The following SGCD variants were observed in gnomAD, a reference collection of about 807,000 sequenced individuals.
The protein encoded by SGCD is delta-sarcoglycan.
A neutral mutation model predicts 36.6 loss-of-function variants in SGCD; 18 were observed. The observed-to-expected ratio is 0.49, with a 90% CI of 0.34 to 0.73. The LOEUF (loss-of-function observed/expected upper bound fraction) is 0.73. Ranked by LOEUF, SGCD falls within the 30% of genes least tolerant of loss-of-function variation. The probability of loss-of-function intolerance (pLI) is 0.01; values close to 1 mark genes in which losing one functional copy is unlikely to be tolerated. For missense variants in SGCD, 387 were observed against 346.7 expected (o/e 1.12, Z -0.92); for synonymous variants, 133 against 130.6 (o/e 1.02, Z -0.12).
chr5:155,981,649 C>T (rs975810350), intron 1 of SGCD, among the ~76,000 whole-genome samples: 1 of 152,134 alleles, frequency 6.6e-6, no homozygotes, highest in Non-Finnish European at 1.5e-5. Flanking sequence ...AGTCTCCCTA[C>T]CACCTCCCTT....
rs77226660 is a variant in SGCD, at chr5:156,008,788, T to G, written c.-281-109090T>G. Among the ~76,000 whole-genome samples the G allele has an allele frequency of 3.4e-3, 524 of 152,306 alleles. 2 individuals carry two copies. The highest frequency in any genetic ancestry group is 6.0e-3 in the African/African-American group (249 of 41,584). ...ACAGAAACCCTATATCCAAGTAAGT[T>G]CACATTCTGAGGTACTGGAAATTAG... On this transcript the variant is annotated intron_variant, in intron 1 of 9. Transcript: ENST00000517913.
chr5:155,894,385 G>A (rs569126137), intron 1 of SGCD, among the ~76,000 whole-genome samples: 166 of 152,188 alleles, frequency 1.1e-3, no homozygotes, highest in Admixed American at 3.6e-3. Flanking sequence ...TATGAGGTGC[G>A]TGACTTTATA....
chr5:155,976,600 T>C (rs1460282749), intron 1 of SGCD, among the ~76,000 whole-genome samples: 2 of 152,204 alleles, frequency 1.3e-5, no homozygotes, highest in Non-Finnish European at 2.9e-5. Flanking sequence ...TTTCTTCATG[T>C]TATAGATGAA....
chr5:156,040,775 G>A lies in SGCD; in HGVS notation c.-281-77103G>A, dbSNP rs190661541. Among the ~76,000 whole-genome samples the A allele has an allele frequency of 2.1e-4, 32 of 152,114 alleles. 1 individual carries two copies. The highest frequency in any genetic ancestry group is 1.9e-3 in the Admixed American group (29 of 15,274). ...CATTTTTCATTATCTCTTATAATGG[G>A]GCATCTAATATTAAGTCTTACATCA... On this transcript the variant is annotated intron_variant, in intron 1 of 9. Transcript: ENST00000517913.
Position 155,987,884 on chromosome 5 carries a change from C to T in SGCD, c.-282+117460C>T, listed in dbSNP as rs557714744. On this transcript the variant is annotated intron_variant, in intron 1 of 9. Coordinates refer to the SGCD transcript ENST00000517913. ...CATTGACATTTAAATATGTATTATT[C>T]ATATCCCAGTATGCTGATAACAACA... Among the ~76,000 whole-genome samples, 38 of 152,244 alleles carry T rather than the reference C, an allele frequency of 2.5e-4. No homozygotes were observed. In the East Asian group the frequency reaches 6.6e-3, roughly 26 times the overall value.
At chr5:156,448,468 A>AGGC (rs1219767107) in intron 3 of SGCD, among the ~76,000 whole-genome samples, 1 of 152,170 alleles carries the variant, frequency 6.6e-6, no homozygotes, top group African/African-American at 2.4e-5. Context: ...GTATAACACT[A>AGGC]GGCAGCAGCA....
intron 1 of SGCD, among the ~76,000 whole-genome samples, chr5:156,070,720 T>A (rs866783422): frequency 2.0e-5 from 3 of 152,184 alleles, no homozygotes; most frequent in Non-Finnish European, 2.9e-5. Flanking sequence ...CAGTTCCTCC[T>A]TGTACCTCTG....
At chr5:156,257,797 G>A (rs1212318902) in intron 3 of SGCD, among the ~76,000 whole-genome samples, 1 of 152,106 alleles carries the variant, frequency 6.6e-6, no homozygotes, top group African/African-American at 2.4e-5. Context: ...CCGGGAGGTG[G>A]AGGTTGCAGT....
intron 1 of SGCD, among the ~76,000 whole-genome samples, chr5:155,970,141 G>A (rs999682857): frequency 1.3e-5 from 2 of 151,960 alleles, no homozygotes; most frequent in African/African-American, 4.8e-5. Context: ...GATTGGGTGT[G>A]AGAGATCCCC....
chr5:155,889,452 G>T (rs1304194745), intron 1 of SGCD, among the ~76,000 whole-genome samples: 1 of 152,044 alleles, frequency 6.6e-6, no homozygotes, highest in Non-Finnish European at 1.5e-5. Context: ...AGTTTTTTGA[G>T]TTTTGCTGCA....
intron 1 of SGCD, among the ~76,000 whole-genome samples, chr5:156,042,011 A>G (rs1262850503): frequency 6.6e-6 from 1 of 152,158 alleles, no homozygotes; most frequent in Non-Finnish European, 1.5e-5. Flanking sequence ...GCTAGTGACC[A>G]GGCTGGCACA....
chr5:156,423,339 AAT>A (rs200906259), intron 3 of SGCD, among the ~76,000 whole-genome samples: 49,344 of 81,938 alleles, frequency 0.6, 13,877 homozygotes, highest in Middle Eastern at 0.77. Context: ...ATTATAATAT[AAT>A]ATATTATAAT....
intron 3 of SGCD, among the ~76,000 whole-genome samples, chr5:156,218,266 A>G (rs998552371): frequency 3.3e-5 from 5 of 152,198 alleles, no homozygotes; most frequent in African/African-American, 1.2e-4. Flanking sequence ...ATTAAAAATA[A>G]AAATAAAATA....
intron 3 of SGCD, among the ~76,000 whole-genome samples, chr5:156,133,133 C>T (rs906660293): frequency 6.6e-6 from 1 of 152,122 alleles, no homozygotes; most frequent in African/African-American, 2.4e-5. Flanking sequence ...AAGCCTAGAG[C>T]TCAGCAAATA....
At chr5:156,575,987 C>T (rs1203524573) in intron 4 of SGCD, among the ~76,000 whole-genome samples, 1 of 152,134 alleles carries the variant, frequency 6.6e-6, no homozygotes, top group East Asian at 1.9e-4. Flanking sequence ...AGGTTTGTTA[C>T]ATAGGTATAC....
chr5:156,703,096 T>A (rs765550315), intron 7 of SGCD, among the ~76,000 whole-genome samples: 3 of 152,214 alleles, frequency 2.0e-5, no homozygotes, highest in South Asian at 4.1e-4. Context: ...TCTGACATGA[T>A]GTTGCTTGCA....
intron 3 of SGCD, among the ~76,000 whole-genome samples, chr5:156,257,550 CTGTA>C (rs564276509): frequency 1.3e-4 from 19 of 151,872 alleles, no homozygotes; most frequent in Admixed American, 3.9e-4. Flanking sequence ...CACACACCCT[CTGTA>C]TGCCAGTTTC....
chr5:156,363,200 G>A (rs1453018564), intron 3 of SGCD, among the ~76,000 whole-genome samples: 2 of 152,046 alleles, frequency 1.3e-5, no homozygotes, highest in African/African-American at 2.4e-5. Flanking sequence ...ATAGCTTTCC[G>A]TGTAAACAAT....
chr5:155,810,300 G>A, the SGCD span, among the ~76,000 whole-genome samples: 3 of 152,098 alleles, frequency 2.0e-5, no homozygotes, highest in East Asian at 5.8e-4. Flanking sequence ...TGTCTTTACT[G>A]ATGTTCATTT....
Sources: gnomAD v4.1 joint callset for allele counts (sites outside exome capture counted in the v4.1 genomes callset) on GRCh38, gnomAD v4.1.1 for gene constraint, MANE v1.5 for transcripts, NCBI Gene and HGNC (gene_info 2026-07-23, HGNC 2026-07-21) for gene names.